Variants in LGR6 observed in about 807,000 individuals in gnomAD.
LGR6 encodes leucine-rich repeat-containing G protein-coupled receptor 6.
A neutral mutation model predicts 69.4 loss-of-function variants in LGR6; 45 were observed. The observed-to-expected ratio is 0.65, with a 90% confidence interval of 0.51 to 0.83. The LOEUF (loss-of-function observed/expected upper bound fraction) is 0.83. Among genes scored for constraint, LGR6 ranks in the 40% least tolerant of loss-of-function variants. LGR6 has a pLI of 0.00. For missense variants in LGR6, 1,108 were observed against 1,246.7 expected, an observed-to-expected ratio of 0.89 and a Z score of 1.68; for synonymous variants, 538 against 555.0, an observed-to-expected ratio of 0.97 and a Z score of 0.43.
At chr1:202,252,818 C>G (rs962706803) in intron 4 of LGR6, among the ~76,000 whole-genome samples, 3 of 152,214 alleles carry the variant, frequency 2.0e-5, no homozygotes, top group Non-Finnish European at 4.4e-5. Context: ...GACAAGAGTC[C>G]TGAATCTGAC....
rs529874743 is a variant in LGR6, at chr1:202,286,766, C to T, written c.716+5914C>T. On this transcript the variant is annotated intron_variant, in intron 6 of 17. Coordinates refer to ENST00000367278, the MANE Select transcript of LGR6 (RefSeq NM_001017403.2). ...TTTTTTCTGGCTTCCCCCGCAGAACCACTAATCACTTTAAACAGGCAGAAA... is the reference window on the plus strand; with the variant it reads ...TTTTTTCTGGCTTCCCCCGCAGAACTACTAATCACTTTAAACAGGCAGAAA... 2.6e-5 allele frequency among the ~76,000 whole-genome samples: 4 copies of T among 152,230 alleles called. No individual in the cohort carries two copies. The South Asian group carries it at 8.3e-4, about 32-fold the overall frequency.
chr1:202,198,673 T>G (rs1324214598), intron 1 of LGR6, among the ~76,000 whole-genome samples: 3 of 101,736 alleles, frequency 2.9e-5, no homozygotes, highest in African/African-American at 8.5e-5. Context: ...TTTAGGTTTT[T>G]TTTTTTTTTT....
intron 1 of LGR6, chr1:202,197,371 G>A (rs1658681955): frequency 1.9e-6 from 1 of 532,090 alleles, no homozygotes; most frequent in Non-Finnish European, 3.9e-6. Flanking sequence ...TTTGATCAAG[G>A]TTGGGAAGAC....
In LGR6 at chr1:202,310,122, A is replaced by G; in HGVS notation, c.1407-75A>G. On this transcript the variant is annotated intron_variant, in intron 15 of 17. Coordinates refer to ENST00000367278, the MANE Select transcript of LGR6 (RefSeq NM_001017403.2). ...TGAGTGCCCAGCCCCTGGGTTGCAG[A>G]TCTCTTAAATCAGACTTAGGTCTTA... 8 of 1,494,918 alleles carry G rather than the reference A, an allele frequency of 5.4e-6. No homozygotes were observed. The South Asian group carries it at 7.2e-5, about 13-fold the overall frequency. 92.6% of individuals were successfully genotyped at this position (1,494,918 alleles called of 1,614,324 possible). A position where few individuals can be genotyped will look rare whatever the true frequency, so the allele number is the denominator to read the frequency against.
intron 4 of LGR6, among the ~76,000 whole-genome samples, chr1:202,240,961 C>G (rs1662149854): frequency 1.3e-5 from 2 of 152,192 alleles, no homozygotes; most frequent in African/African-American, 2.4e-5. Flanking sequence ...ACAGAAACCC[C>G]TCTCTAATAA....
chr1:202,277,542 G>C (rs1223955722), intron 5 of LGR6, among the ~76,000 whole-genome samples: 1 of 152,096 alleles, frequency 6.6e-6, no homozygotes, highest in Non-Finnish European at 1.5e-5. Context: ...TTGTGAGAGG[G>C]TGGGGTCAGG....
intron 4 of LGR6, among the ~76,000 whole-genome samples, chr1:202,261,811 G>T (rs1664259269): frequency 6.6e-6 from 1 of 152,190 alleles, no homozygotes; most frequent in African/African-American, 2.4e-5. Flanking sequence ...TTGTGGTTTT[G>T]ATTTGCATTT....
intron 1 of LGR6, among the ~76,000 whole-genome samples, chr1:202,218,486 T>C (rs1659932023): frequency 6.6e-6 from 1 of 152,082 alleles, no homozygotes; most frequent in Admixed American, 6.6e-5. Context: ...TGTATAGGGA[T>C]GAGGTCTCGC....
chr1:202,225,258 G>A, intron 1 of LGR6, 165 bp from the exon 2 acceptor site: 1 of 642,440 alleles, frequency 1.6e-6, no homozygotes, highest in Non-Finnish European at 2.8e-6. Flanking sequence ...CTTGCTCTTA[G>A]AGAGAACGCA....
intron 4 of LGR6, among the ~76,000 whole-genome samples, chr1:202,242,402 A>G (rs2148027034): frequency 6.6e-6 from 1 of 152,316 alleles, no homozygotes; most frequent in Admixed American, 6.5e-5. Context: ...ATCACTAGCT[A>G]CGAGGCCATG....
At chr1:202,237,817 T>C (rs772653613) in intron 4 of LGR6, among the ~76,000 whole-genome samples, 7 of 152,182 alleles carry the variant, frequency 4.6e-5, no homozygotes, top group Non-Finnish European at 8.8e-5. Context: ...AGCACTGGCC[T>C]GTGTGACAGA....
chr1:202,236,114 C>A, intron 4 of LGR6, 121 bp downstream of exon 4: 1 of 754,384 alleles, frequency 1.3e-6, no homozygotes, highest in Non-Finnish European at 2.3e-6. Flanking sequence ...AGTCCACGTT[C>A]CAGACAGCAT....
chr1:202,270,357 C>T (rs778736615), intron 4 of LGR6, among the ~76,000 whole-genome samples: 3 of 152,156 alleles, frequency 2.0e-5, no homozygotes, highest in Admixed American at 6.5e-5. Context: ...ATTCTCCTAC[C>T]GCAGCCTCCC....
chr1:202,214,170 G>T, intron 1 of LGR6: 1 of 1,526,990 alleles, frequency 6.5e-7, no homozygotes, highest in Non-Finnish European at 8.7e-7. Flanking sequence ...CTTGGAGGGA[G>T]AGGGCCGCTC....
At chr1:202,214,691 G>C (rs1571821215) in intron 1 of LGR6, among the ~76,000 whole-genome samples, 1 of 152,156 alleles carries the variant, frequency 6.6e-6, no homozygotes, top group Non-Finnish European at 1.5e-5. Context: ...TATTAAAAAG[G>C]ATCAAATTAA....
At chr1:202,294,608 C>T (rs972974561) in intron 6 of LGR6, among the ~76,000 whole-genome samples, 1 of 152,164 alleles carries the variant, frequency 6.6e-6, no homozygotes, top group Admixed American at 6.5e-5. Flanking sequence ...AGAGTCTAGT[C>T]TGGAATTTCT....
chr1:202,291,081 C>T (rs761881609), intron 6 of LGR6, among the ~76,000 whole-genome samples: 1 of 152,118 alleles, frequency 6.6e-6, no homozygotes, highest in South Asian at 2.1e-4. Flanking sequence ...CTACTTTTAC[C>T]GATTGCATGG....
At chr1:202,221,240 T>TCGG (rs1660134077) in intron 1 of LGR6, among the ~76,000 whole-genome samples, 1 of 152,102 alleles carries the variant, frequency 6.6e-6, no homozygotes, top group Non-Finnish European at 1.5e-5. Flanking sequence ...CCAGATTGCC[T>TCGG]CGGCGGAGGG....
chr1:202,227,916 C>A lies in LGR6; in HGVS notation c.285-20C>A. 1 of 1,601,690 alleles carries A rather than the reference C, an allele frequency of 6.2e-7. No individual in the cohort carries two copies. Reference sequence around the variant, plus strand: ...TTGGGTTACCTGCCAACATCGCTGACCCTTGTCTCTGATTTCCAGGCGTCT... The same window carrying A: ...TTGGGTTACCTGCCAACATCGCTGAACCTTGTCTCTGATTTCCAGGCGTCT... On this transcript the variant is annotated intron_variant, in intron 2 of 17. Transcript: ENST00000367278.
Sources: gnomAD v4.1 joint callset for allele counts (sites outside exome capture counted in the v4.1 genomes callset) on GRCh38, gnomAD v4.1.1 for gene constraint, MANE v1.5 for transcripts, NCBI Gene and HGNC (gene_info 2026-07-23, HGNC 2026-07-21) for gene names.